Variants in HS6ST3 observed in about 807,000 individuals in gnomAD.
HS6ST3 encodes the protein heparan sulfate 6-O-sulfotransferase 3, also known as heparan-sulfate 6-O-sulfotransferase 3.
In HS6ST3, 12 loss-of-function variants were observed where a neutral mutation model predicts 36.7. The ratio of observed to expected loss-of-function variants is 0.33; its 90% CI spans 0.21 to 0.53. The LOEUF is 0.53. Among genes scored for constraint, HS6ST3 ranks in the 20% least tolerant of loss-of-function variants. HS6ST3 has a pLI of 0.95. For synonymous variants in HS6ST3, 240 were observed against 257.5 expected (o/e 0.93, Z 0.65); for missense variants, 584 against 640.9 (o/e 0.91, Z 0.96).
chr13:96,622,226 A>C (rs1395140315), intron 1 of HS6ST3, among the ~76,000 whole-genome samples: 2 of 152,060 alleles, frequency 1.3e-5, no homozygotes, highest in Admixed American at 6.6e-5. Flanking sequence ...AAAAAAAAAA[A>C]CAAAGTTTTT....
chr13:96,570,261 C>T (rs566565097), intron 1 of HS6ST3, among the ~76,000 whole-genome samples: 2 of 152,232 alleles, frequency 1.3e-5, no homozygotes, highest in Admixed American at 1.3e-4. Context: ...AATTTGGGGC[C>T]TACATTTTTA....
intron 1 of HS6ST3, among the ~76,000 whole-genome samples, chr13:96,250,726 G>A (rs1039594410): frequency 1.6e-4 from 25 of 152,064 alleles, no homozygotes; most frequent in African/African-American, 5.8e-4. Flanking sequence ...CTCTCCGTTC[G>A]GCAAAATATG....
chr13:96,194,464 C>T (rs1052582401), intron 1 of HS6ST3, among the ~76,000 whole-genome samples: 33 of 151,864 alleles, frequency 2.2e-4, no homozygotes, highest in African/African-American at 6.3e-4. Flanking sequence ...AAATTATTTT[C>T]TCCCAGCTTT....
rs187940952 is a variant in HS6ST3 at position 96,738,442 on chromosome 13, T to C, written c.708-94048T>C. Reference sequence around the variant, plus strand: ...GCCATCGATGATGCTGTTCTGTTTGTATTCAAATGGAAAAAATCTCCAGGA... The same window carrying C: ...GCCATCGATGATGCTGTTCTGTTTGCATTCAAATGGAAAAAATCTCCAGGA... On this transcript the variant is annotated intron_variant, in intron 1 of 1. Coordinates refer to ENST00000376705, the MANE Select transcript of HS6ST3 (RefSeq NM_153456.4). Among the ~76,000 whole-genome samples, 61 of 151,938 alleles carry C rather than the reference T, an allele frequency of 4.0e-4. No homozygotes were observed. The East Asian group carries it at 0.01, about 25-fold the overall frequency.
At chr13:96,532,004 G>T (rs2056137453) in intron 1 of HS6ST3, among the ~76,000 whole-genome samples, 1 of 152,136 alleles carries the variant, frequency 6.6e-6, no homozygotes, top group Non-Finnish European at 1.5e-5. Context: ...ACCTCCCAAA[G>T]CCGATGTGTT....
At chr13:96,687,112 A>G (rs185804289) in intron 1 of HS6ST3, among the ~76,000 whole-genome samples, 87 of 151,036 alleles carry the variant, frequency 5.8e-4, no homozygotes, top group Admixed American at 1.3e-3. Context: ...TTTTACAAAT[A>G]TGGTGGCAAA....
chr13:96,191,796 G>A (rs1397391458), intron 1 of HS6ST3, among the ~76,000 whole-genome samples: 1 of 152,114 alleles, frequency 6.6e-6, no homozygotes, highest in Non-Finnish European at 1.5e-5. Flanking sequence ...GAAGAAAGAG[G>A]ATCTTTTTCT....
intron 1 of HS6ST3, among the ~76,000 whole-genome samples, chr13:96,668,670 G>A (rs2056672454): frequency 7.7e-6 from 1 of 130,514 alleles, no homozygotes; most frequent in Non-Finnish European, 1.6e-5. Context: ...AGGGAGCTGA[G>A]CACAGTAGTG....
chr13:96,305,966 G>A (rs1442966553), intron 1 of HS6ST3, among the ~76,000 whole-genome samples: 3 of 148,120 alleles, frequency 2.0e-5, no homozygotes, highest in East Asian at 2.0e-4. Context: ...ACTGTGTCAC[G>A]TAGTGGCCAG....
chr13:96,724,491 C>T (rs1442021062), intron 1 of HS6ST3, among the ~76,000 whole-genome samples: 2 of 152,200 alleles, frequency 1.3e-5, no homozygotes, highest in Non-Finnish European at 2.9e-5. Context: ...CCCGGAACCT[C>T]TCTTTGTGCC....
chr13:96,804,481 C>G (rs1878151533), intron 1 of HS6ST3, among the ~76,000 whole-genome samples: 1 of 152,072 alleles, frequency 6.6e-6, no homozygotes, highest in Non-Finnish European at 1.5e-5. Context: ...CCTTTTCTTA[C>G]CCGACAGATT....
At chr13:96,115,949 A>G (rs973659249) in intron 1 of HS6ST3, among the ~76,000 whole-genome samples, 1 of 152,184 alleles carries the variant, frequency 6.6e-6, no homozygotes, top group Non-Finnish European at 1.5e-5. Flanking sequence ...TCTGACTGGC[A>G]TGAGATGGTA....
intron 1 of HS6ST3, among the ~76,000 whole-genome samples, chr13:96,168,173 A>C (rs2054169950): frequency 6.6e-6 from 1 of 151,924 alleles, no homozygotes; most frequent in Admixed American, 6.6e-5. Flanking sequence ...CTAATTAACC[A>C]CTCTCTAGGG....
chr13:96,161,493 GT>G (rs2054135556), intron 1 of HS6ST3, among the ~76,000 whole-genome samples: 1 of 152,128 alleles, frequency 6.6e-6, no homozygotes, highest in African/African-American at 2.4e-5. Context: ...AGATGGGACT[GT>G]ATTCTCCACT....
At chr13:96,400,284 T>G (rs370052959) in intron 1 of HS6ST3, among the ~76,000 whole-genome samples, 2 of 143,304 alleles carry the variant, frequency 1.4e-5, no homozygotes, top group African/African-American at 5.2e-5. Context: ...CAGACACACA[T>G]ATAGACACAC....
At chr13:96,599,486 T>TC (rs1373974272) in intron 1 of HS6ST3, among the ~76,000 whole-genome samples, 1 of 152,040 alleles carries the variant, frequency 6.6e-6, no homozygotes, top group Non-Finnish European at 1.5e-5. Context: ...TGTAATGTCT[T>TC]CATTTTAATT....
chr13:96,178,808 C>T (rs2054224936), intron 1 of HS6ST3, among the ~76,000 whole-genome samples: 1 of 152,080 alleles, frequency 6.6e-6, no homozygotes. Flanking sequence ...CCCCTGGGCA[C>T]AGACACCACT....
At chr13:96,621,585 T>TAAG (rs2056495352) in intron 1 of HS6ST3, among the ~76,000 whole-genome samples, 1 of 152,188 alleles carries the variant, frequency 6.6e-6, no homozygotes, top group Admixed American at 6.5e-5. Context: ...CTCTTTCCCT[T>TAAG]TCTCTCCAAG....
At chr13:96,468,059 T>G (rs1328051) in intron 1 of HS6ST3, among the ~76,000 whole-genome samples, 1 of 152,044 alleles carries the variant, frequency 6.6e-6, no homozygotes. Context: ...CGTTTCTTTA[T>G]GCTGACATCT....
Sources: allele counts gnomAD v4.1 joint callset (sites outside exome capture counted in the v4.1 genomes callset), GRCh38; gene constraint gnomAD v4.1.1; transcripts MANE v1.5; gene names NCBI Gene and HGNC (gene_info 2026-07-23, HGNC 2026-07-21).